MACF1: variants seen among roughly 807,000 people sequenced by gnomAD.
MACF1 encodes the protein microtubule-actin cross-linking factor 1.
In MACF1, 193 loss-of-function variants were observed where a neutral mutation model predicts 854.8. The ratio of observed to expected loss-of-function variants is 0.23; its 90% confidence interval spans 0.20 to 0.25. The LOEUF is 0.25. MACF1 is among the 10% of genes least tolerant of loss of function. The pLI, the probability that MACF1 is intolerant of heterozygous loss-of-function variation, is 1.00. For synonymous variants in MACF1, 3,185 were observed against 3,226.7 expected (o/e 0.99, Z 0.44); for missense variants, 7,722 against 8,929.1 (o/e 0.86, Z 5.45).
chr1:39,395,833 C>T (rs757435456), intron 58 of MACF1, among the ~76,000 whole-genome samples: 1 of 152,152 alleles, frequency 6.6e-6, no homozygotes, highest in African/African-American at 2.4e-5. Flanking sequence ...CATGTTGAAC[C>T]TTTTCCAGCT....
chr1:39,092,276 C>T (rs751097268), intron 2 of MACF1, among the ~76,000 whole-genome samples: 2 of 152,094 alleles, frequency 1.3e-5, no homozygotes, highest in African/African-American at 4.8e-5. Flanking sequence ...AGAATCTAGA[C>T]GGTGGTTTGG....
chr1:39,086,611 C>T (rs1370087325), intron 2 of MACF1, among the ~76,000 whole-genome samples: 1 of 152,216 alleles, frequency 6.6e-6, no homozygotes, highest in Non-Finnish European at 1.5e-5. Flanking sequence ...CTCCATCCTT[C>T]ATCACTCATG....
chr1:39,189,118 C>G (rs1644215049), intron 2 of MACF1, among the ~76,000 whole-genome samples: 1 of 152,224 alleles, frequency 6.6e-6, no homozygotes, highest in African/African-American at 2.4e-5. Flanking sequence ...AGACTTCCAA[C>G]CAATCTTGTT....
At chr1:39,407,215 GTTTTAAATCTCACATC>G (rs1388807057) in intron 58 of MACF1, among the ~76,000 whole-genome samples, 1 of 152,178 alleles carries the variant, frequency 6.6e-6, no homozygotes, top group Admixed American at 6.5e-5. Flanking sequence ...CTCTTTGTTG[GTTTTAAATCTCACATC>G]TTAGTGTGCC....
At chr1:39,282,094 G>A (rs1045586114) in intron 6 of MACF1, 114 bp from the exon 7 acceptor site, 12 of 1,001,086 alleles carry the variant, frequency 1.2e-5, no homozygotes, top group Middle Eastern at 6.9e-4. Flanking sequence ...GTCCTCTAAA[G>A]TGCTTCCAGC....
In MACF1 at chr1:39,382,294, T is replaced by C. The variant is rs1474627404; in HGVS notation, c.13848+142T>C. 1.4e-5 allele frequency: 10 copies of C among 737,716 alleles called. No individual in the cohort carries two copies. In the East Asian group the frequency reaches 2.7e-4, roughly 20 times the overall value. The allele number at this position is 737,716 out of a possible 1,614,324, so 45.7% of individuals were successfully genotyped here. A position where few individuals can be genotyped will look rare whatever the true frequency, so the allele number is the denominator to read the frequency against. ...TTTAAATGAGGTATTTATAAGGTGTTAATCATGGTGCCTGTAAAATAGTAA... is the reference window on the plus strand; with the variant it reads ...TTTAAATGAGGTATTTATAAGGTGTCAATCATGGTGCCTGTAAAATAGTAA... On this transcript the variant is annotated intron_variant, in intron 56 of 100. Transcript: ENST00000564288.
chr1:39,468,346 A>G (rs765821302), intron 95 of MACF1, among the ~76,000 whole-genome samples: 1 of 152,226 alleles, frequency 6.6e-6, no homozygotes, highest in East Asian at 1.9e-4. Flanking sequence ...CTGAGATCAC[A>G]CTGTTGTACT....
rs191206493 is a variant in MACF1, at chr1:39,353,642, T to C, written c.11424+411T>C. ...AGCTTCAAAACGGTATATAAATCTG[T>C]CTGCCTATTTGCAACTTGGGCCCAT... is the stretch of plus-strand genomic sequence containing the variant. On this transcript the variant is annotated intron_variant, in intron 44 of 100. Transcript: ENST00000564288. Among the ~76,000 whole-genome samples, 84 of 152,322 alleles carry C rather than the reference T, an allele frequency of 5.5e-4. 1 individual carries two copies. Among genetic ancestry groups the C allele is most frequent in the African/African-American group, 2.0e-3 (84 of 41,560 alleles).
rs180764983 is a variant in MACF1, at chr1:39,481,806, G to A, written c.22281+776G>A. 3.3e-3 allele frequency among the ~76,000 whole-genome samples: 506 copies of A among 152,272 alleles called. 3 individuals carry two copies. Among genetic ancestry groups the A allele is most frequent in the Admixed American group, 5.1e-3 (78 of 15,298 alleles). Reference sequence around the variant, plus strand: ...GATTCTTGTGCCTCAAGACAGTGTTGCCTTCAGTCTTGGAAAGCCTTAGCC... The same window carrying A: ...GATTCTTGTGCCTCAAGACAGTGTTACCTTCAGTCTTGGAAAGCCTTAGCC... On this transcript the variant is annotated intron_variant, in intron 99 of 100. Coordinates refer to ENST00000564288, the MANE Select transcript of MACF1 (RefSeq NM_001394062.1).
intron 17 of MACF1, among the ~76,000 whole-genome samples, chr1:39,293,151 G>T (rs572797466): frequency 6.6e-6 from 1 of 152,256 alleles, no homozygotes; most frequent in Non-Finnish European, 1.5e-5. Flanking sequence ...TGTAGAGAGG[G>T]GACTTTCCCT....
At chr1:39,252,310 C>A (rs1645049069) in intron 4 of MACF1, among the ~76,000 whole-genome samples, 1 of 152,140 alleles carries the variant, frequency 6.6e-6, no homozygotes, top group Non-Finnish European at 1.5e-5. Context: ...CAATTAATTG[C>A]TCACAACTCC....
intron 2 of MACF1, among the ~76,000 whole-genome samples, chr1:39,113,334 A>G (rs12730941): frequency 0.013 from 1,924 of 152,294 alleles, 19 homozygotes; most frequent in Non-Finnish European, 0.019. Context: ...CACTTCCTAT[A>G]TGTCTCAATC....
chr1:39,084,243 C>T lies in MACF1; in HGVS notation c.25C>T (p.Leu9Phe). The T allele has an allele frequency of 6.2e-7, 1 of 1,613,630 alleles. No individual in the cohort carries two copies. Among genetic ancestry groups the T allele is most frequent in the South Asian group, 1.1e-5 (1 of 91,078 alleles). The change falls in exon 2 of 94, where the codon CTC (leucine) becomes TTC (phenylalanine). Residue 9 changes from leucine (L) to phenylalanine (F), a missense_variant. Leu to Phe is a conservative substitution (Grantham distance 22). Coordinates refer to the MACF1 transcript ENST00000361689. This position sits in a 1 kb window ranked among gnomAD's most constrained non-coding sequence, Gnocchi z 5.2. ...CATGTCTTCCTCAGATGAAGAGACG[C>T]TCAGTGAGCGGTCATGTCGGAGTGA...
intron 2 of MACF1, among the ~76,000 whole-genome samples, chr1:39,169,596 C>T (rs1183112375): frequency 6.7e-6 from 1 of 148,950 alleles, no homozygotes; most frequent in Admixed American, 6.7e-5. Context: ...CAGAGCAAGA[C>T]CCTGTCTCAA....
chr1:39,404,845 A>G (rs1398777776), intron 58 of MACF1, among the ~76,000 whole-genome samples: 1 of 152,138 alleles, frequency 6.6e-6, no homozygotes, highest in African/African-American at 2.4e-5. Flanking sequence ...TGTCTTTGCC[A>G]TCTCTGTATA....
At chr1:39,130,122 C>T (rs1022309285) in intron 2 of MACF1, among the ~76,000 whole-genome samples, 3 of 152,144 alleles carry the variant, frequency 2.0e-5, no homozygotes, top group Non-Finnish European at 2.9e-5. Context: ...TACCTGCCCC[C>T]GAAGGGGAAA....
At chr1:39,381,663 T>A (rs1650232595) in intron 55 of MACF1, among the ~76,000 whole-genome samples, 1 of 151,996 alleles carries the variant, frequency 6.6e-6, no homozygotes, top group South Asian at 2.1e-4. Context: ...AGATCCCGTC[T>A]CTACAAAAAA....
intron 25 of MACF1, 51 bp downstream of exon 25, chr1:39,310,479 A>C: frequency 6.4e-7 from 1 of 1,558,862 alleles, no homozygotes. Context: ...GAGCCTTTCA[A>C]GGGGTTGCTG....
intron 58 of MACF1, among the ~76,000 whole-genome samples, chr1:39,407,383 T>TA (rs1257418237): frequency 6.6e-6 from 1 of 152,228 alleles, no homozygotes; most frequent in Non-Finnish European, 1.5e-5. Flanking sequence ...TAGGACAGGG[T>TA]TTCTAGTGTC....
Sources: gnomAD v4.1 joint callset for allele counts (sites outside exome capture counted in the v4.1 genomes callset) on GRCh38, gnomAD v4.1.1 for gene constraint, Gnocchi (gnomAD v3.1) non-coding constraint, MANE v1.5 for transcripts, NCBI Gene and HGNC (gene_info 2026-07-23, HGNC 2026-07-21) for gene names.